Variants in RBFOX1 observed in about 807,000 individuals in gnomAD.
RBFOX1 encodes the protein RNA binding protein fox-1 homolog 1.
Under a neutral mutation model 57.7 loss-of-function variants are expected in RBFOX1, and 8 were observed. The observed-to-expected ratio is 0.14, with a 90% CI of 0.08 to 0.25. RBFOX1 has a LOEUF of 0.25. RBFOX1 is among the 10% of genes least tolerant of loss of function. RBFOX1 has a pLI of 1.00. For missense variants in RBFOX1, 611 were observed against 548.5 expected, an observed-to-expected ratio of 1.11 and a Z score of -1.14; for synonymous variants, 326 against 222.4, an observed-to-expected ratio of 1.47 and a Z score of -4.15.
intron 3 of RBFOX1, among the ~76,000 whole-genome samples, chr16:5,627,566 G>A (rs187618025): frequency 2.0e-5 from 3 of 152,166 alleles, no homozygotes; most frequent in Non-Finnish European, 2.9e-5. Flanking sequence ...GTAGAGAAGC[G>A]ACAACTTTAT....
chr16:6,909,621 C>G (rs377002384), intron 3 of RBFOX1, among the ~76,000 whole-genome samples: 3 of 152,242 alleles, frequency 2.0e-5, no homozygotes, highest in East Asian at 3.9e-4. Context: ...AGCCTGTTCT[C>G]TCTTTTACAA....
At chr16:5,309,369 C>G (rs7201327) in intron 1 of RBFOX1, among the ~76,000 whole-genome samples, 2 of 152,146 alleles carry the variant, frequency 1.3e-5, no homozygotes, top group African/African-American at 2.4e-5. Flanking sequence ...TAGCTCTCCT[C>G]TCAGACAAAA....
chr16:6,019,730 C>T lies in RBFOX1; in HGVS notation c.-389C>T, dbSNP rs527407646. 3.4e-5 allele frequency: 46 copies of T among 1,371,552 alleles called. No individual in the cohort carries two copies. In the East Asian group the frequency reaches 1.1e-3, roughly 34 times the overall value. The allele number at this position is 1,371,552 out of a possible 1,614,324, so 85.0% of individuals were successfully genotyped here. A position where few individuals can be genotyped will look rare whatever the true frequency, so the allele number is the denominator to read the frequency against. ...AGAGAGCAGGAGCGGACCGCGCGCC[C>T]GGGATTGAGAGTCCTTGCGCTCCAG... is the stretch of plus-strand genomic sequence containing the variant. On this transcript the variant is annotated 5_prime_UTR_variant, in exon 1 of 16. Coordinates refer to ENST00000550418, the MANE Select transcript of RBFOX1 (RefSeq NM_018723.4). This position sits in a 1 kb window ranked among gnomAD's most constrained non-coding sequence, Gnocchi z 4.2.
intron 5 of RBFOX1, among the ~76,000 whole-genome samples, chr16:7,572,353 C>T (rs2092872833): frequency 6.6e-6 from 1 of 152,144 alleles, no homozygotes; most frequent in Admixed American, 6.5e-5. Flanking sequence ...ATTTACGCTG[C>T]AGATATTTAC....
intron 3 of RBFOX1, among the ~76,000 whole-genome samples, chr16:5,658,729 C>CAT (rs952838232): frequency 9.3e-6 from 1 of 107,990 alleles, no homozygotes; most frequent in African/African-American, 3.3e-5. Context: ...TACATACATA[C>CAT]ATATATATAA....
At chr16:5,463,841 G>A (rs1459513691) in intron 1 of RBFOX1, among the ~76,000 whole-genome samples, 1 of 151,814 alleles carries the variant, frequency 6.6e-6, no homozygotes, top group Non-Finnish European at 1.5e-5. Context: ...CCACTTCATG[G>A]CAACAGCAAG....
chr16:6,381,339 A>G (rs2091793824), intron 2 of RBFOX1, among the ~76,000 whole-genome samples: 1 of 151,978 alleles, frequency 6.6e-6, no homozygotes, highest in African/African-American at 2.4e-5. Context: ...CCACCCTTCC[A>G]TCTTTTGCGA....
intron 1 of RBFOX1, among the ~76,000 whole-genome samples, chr16:6,228,113 C>T (rs1336956480): frequency 6.6e-6 from 1 of 152,082 alleles, no homozygotes; most frequent in Non-Finnish European, 1.5e-5. Context: ...GAGTTCGAGA[C>T]CAGCCTGGCC....
At chr16:7,651,172 A>C (rs1010311723) in intron 11 of RBFOX1, among the ~76,000 whole-genome samples, 1 of 152,258 alleles carries the variant, frequency 6.6e-6, no homozygotes, top group African/African-American at 2.4e-5. Context: ...TTGTGATAGA[A>C]AGATGCGGTA....
intron 1 of RBFOX1, among the ~76,000 whole-genome samples, chr16:5,375,102 AAAAAAAAAAAAT>A (rs1350831287): frequency 6.8e-6 from 1 of 147,860 alleles, no homozygotes. Context: ...AAAAAAAAAA[AAAAAAAAAAAAT>A]AGGTGTGCGG....
intron 1 of RBFOX1, among the ~76,000 whole-genome samples, chr16:5,250,020 G>A (rs1403756296): frequency 6.6e-6 from 1 of 151,736 alleles, no homozygotes; most frequent in African/African-American, 2.4e-5. Flanking sequence ...GGAGGTTGCA[G>A]TAAGGAGGAG....
intron 3 of RBFOX1, among the ~76,000 whole-genome samples, chr16:7,031,354 G>C (rs1476139795): frequency 1.3e-5 from 2 of 152,130 alleles, no homozygotes; most frequent in African/African-American, 4.8e-5. Context: ...TCAGCACTTT[G>C]GGAGGCCGAG....
intron 3 of RBFOX1, among the ~76,000 whole-genome samples, chr16:6,848,228 C>T (rs2093870193): frequency 6.6e-6 from 1 of 152,006 alleles, no homozygotes; most frequent in East Asian, 1.9e-4. Context: ...TGAGCTCGGG[C>T]CCATGACCAT....
chr16:7,698,166 GAC>G (rs962037561), intron 14 of RBFOX1, among the ~76,000 whole-genome samples: 5 of 141,080 alleles, frequency 3.5e-5, no homozygotes, highest in East Asian at 2.1e-4. Context: ...AGTTGTTTTA[GAC>G]ACAGAGTCCA....
chr16:5,519,557 C>G (rs1215231222), intron 2 of RBFOX1, among the ~76,000 whole-genome samples: 1 of 152,018 alleles, frequency 6.6e-6, no homozygotes, highest in African/African-American at 2.4e-5. Flanking sequence ...GACCTTGTCT[C>G]TATGAAAAAT....
chr16:6,576,417 A>G (rs2097437319), intron 2 of RBFOX1, among the ~76,000 whole-genome samples: 1 of 152,198 alleles, frequency 6.6e-6, no homozygotes, highest in African/African-American at 2.4e-5. Flanking sequence ...TAGTGGACCC[A>G]GTTGGGAATC....
chr16:6,095,432 T>C lies in RBFOX1; in HGVS notation c.-127+75440T>C, dbSNP rs7198641. 4.5e-3 allele frequency among the ~76,000 whole-genome samples: 679 copies of C among 152,270 alleles called. 4 individuals carry two copies. Among genetic ancestry groups the C allele is most frequent in the African/African-American group, 0.015 (644 of 41,564 alleles). The stretch of plus-strand genomic sequence containing the variant: ...ACTTTCTGTGGAGCTGATTGGACCC[T>C]TGGGGGATGGCCTTGCAGGTCAGAC... On this transcript the variant is annotated intron_variant, in intron 1 of 15. Transcript: ENST00000550418.
intron 3 of RBFOX1, among the ~76,000 whole-genome samples, chr16:6,977,948 A>AT (rs1555705895): frequency 1.8e-5 from 1 of 56,344 alleles, no homozygotes; most frequent in Non-Finnish European, 8.1e-5. Context: ...AAAAAAAAAA[A>AT]AAAGGCAAAC....
chr16:7,325,368 T>C lies in RBFOX1; in HGVS notation c.28-192779T>C, dbSNP rs1428458705. 3.3e-5 allele frequency among the ~76,000 whole-genome samples: 5 copies of C among 152,320 alleles called. No homozygotes were observed. In the East Asian group the frequency reaches 9.6e-4, roughly 29 times the overall value. ...ACTGGTAGGAACTGGGCTTTTAATG[T>C]GGTCTATGTGGTTTAATGTGAGCTC... On this transcript the variant is annotated intron_variant, in intron 4 of 15. Coordinates refer to ENST00000550418, the MANE Select transcript of RBFOX1 (RefSeq NM_018723.4).
Sources: gnomAD v4.1 joint callset for allele counts (sites outside exome capture counted in the v4.1 genomes callset) on GRCh38, gnomAD v4.1.1 for gene constraint, Gnocchi (gnomAD v3.1) non-coding constraint, MANE v1.5 for transcripts, NCBI Gene and HGNC (gene_info 2026-07-23, HGNC 2026-07-21) for gene names.